SORCS2: variants seen among roughly 807,000 people sequenced by gnomAD.
SORCS2 encodes sortilin related VPS10 domain containing receptor 2, also known as VPS10 domain-containing receptor SorCS2.
In SORCS2, 100 loss-of-function variants were observed where a neutral mutation model predicts 141.6. The observed-to-expected ratio is 0.71, with a 90% CI of 0.60 to 0.83. The LOEUF is 0.83. Ranked by LOEUF, SORCS2 falls within the 40% of genes least tolerant of loss-of-function variation. SORCS2 has a pLI of 0.00. For synonymous variants in SORCS2, 789 were observed against 676.9 expected, an observed-to-expected ratio of 1.17 and a Z score of -2.57; for missense variants, 1,646 against 1,560.2, an observed-to-expected ratio of 1.05 and a Z score of -0.93.
At chr4:7,659,936 G>A (rs1722042740) in intron 5 of SORCS2, among the ~76,000 whole-genome samples, 1 of 152,248 alleles carries the variant, frequency 6.6e-6, no homozygotes, top group African/African-American at 2.4e-5. Context: ...AACCTGGGTA[G>A]TGGATCTTGC....
intron 3 of SORCS2, among the ~76,000 whole-genome samples, chr4:7,615,312 G>A (rs1718688663): frequency 6.6e-6 from 1 of 152,250 alleles, no homozygotes; most frequent in African/African-American, 2.4e-5. Context: ...CATTGGACAA[G>A]TTGTGTACTG....
chr4:7,433,524 A>T, intron 2 of SORCS2: 1 of 1,608,522 alleles, frequency 6.2e-7, no homozygotes, highest in African/African-American at 1.3e-5. Context: ...TGTCCTTGAG[A>T]CTCTCAATGA....
At chr4:7,443,045 AT>A (rs1235166908) in intron 2 of SORCS2, among the ~76,000 whole-genome samples, 2 of 151,986 alleles carry the variant, frequency 1.3e-5, no homozygotes, top group African/African-American at 4.8e-5. Flanking sequence ...CTGTGTCCAA[AT>A]TTCCTTCTTC....
At chr4:7,331,099 A>G (rs199877299) in intron 1 of SORCS2, among the ~76,000 whole-genome samples, 2 of 98,768 alleles carry the variant, frequency 2.0e-5, no homozygotes, top group Non-Finnish European at 2.2e-5. Flanking sequence ...AGGGAGGGCT[A>G]GGGGCGGCGA....
chr4:7,462,634 C>G (rs1560305476), intron 2 of SORCS2, among the ~76,000 whole-genome samples: 1 of 151,840 alleles, frequency 6.6e-6, no homozygotes, highest in Non-Finnish European at 1.5e-5. Context: ...GTCAGAGTGA[C>G]CTTTTCCAGG....
chr4:7,503,197 T>C (rs1732076192), intron 2 of SORCS2, among the ~76,000 whole-genome samples: 1 of 152,166 alleles, frequency 6.6e-6, no homozygotes, highest in African/African-American at 2.4e-5. Context: ...TTCTCCTTCA[T>C]AGGGCTTTCA....
rs1210599242 is a variant in SORCS2 at position 7,224,365 on chromosome 4, G to A, written c.480+31239G>A. Among the ~76,000 whole-genome samples, 3 of 152,220 alleles carry A rather than the reference G, an allele frequency of 2.0e-5. No homozygotes were observed. In the East Asian group the frequency reaches 5.8e-4, roughly 29 times the overall value. ...GTGGAGTGGCTTTTTAATAATTTGC[G>A]ATGAGTGTTAAGGGTGAGAGGAGGC... On this transcript the variant is annotated intron_variant, in intron 1 of 26. Coordinates refer to ENST00000507866, the MANE Select transcript of SORCS2 (RefSeq NM_020777.3).
At chr4:7,429,144 G>A (rs1048357224) in intron 2 of SORCS2, among the ~76,000 whole-genome samples, 8 of 152,194 alleles carry the variant, frequency 5.3e-5, no homozygotes, top group African/African-American at 1.7e-4. Context: ...ATGCGTGAGT[G>A]TGTGCATGGG....
intron 18 of SORCS2, 92 bp downstream of exon 18, chr4:7,718,275 C>T (rs2109049362): frequency 1.4e-6 from 2 of 1,440,670 alleles, no homozygotes; most frequent in Middle Eastern, 2.5e-4. Context: ...GTGTCTCCTC[C>T]ACCTAGAAGT....
intron 1 of SORCS2, among the ~76,000 whole-genome samples, chr4:7,376,312 C>T (rs1483919397): frequency 1.3e-5 from 2 of 151,520 alleles, no homozygotes; most frequent in African/African-American, 2.4e-5. Flanking sequence ...CACGGTGGCT[C>T]ATGCCTGTAA....
chr4:7,214,036 G>C (rs564628300), intron 1 of SORCS2, among the ~76,000 whole-genome samples: 1 of 152,138 alleles, frequency 6.6e-6, no homozygotes, highest in South Asian at 2.1e-4. Flanking sequence ...TCCAGGTCTG[G>C]GGTGTCTGTT....
At chr4:7,697,309 C>T (rs376441669) in intron 12 of SORCS2, 35 bp downstream of exon 12, 2 of 1,532,036 alleles carry the variant, frequency 1.3e-6, no homozygotes, top group Admixed American at 3.9e-5. Flanking sequence ...TACCCCCCAC[C>T]CCATCCAGCC....
intron 19 of SORCS2, 80 bp from the exon 20 acceptor site, chr4:7,725,074 G>T (rs771131111): frequency 4.0e-6 from 6 of 1,482,206 alleles, no homozygotes; most frequent in Non-Finnish European, 2.7e-6. Context: ...GAAGTTGCTG[G>T]TGACAGTGAT....
At chr4:7,594,436 G>A (rs1209194714) in intron 3 of SORCS2, among the ~76,000 whole-genome samples, 2 of 152,236 alleles carry the variant, frequency 1.3e-5, no homozygotes, top group Admixed American at 6.5e-5. Context: ...CCCGAGGAAG[G>A]GTAAGCTTCT....
chr4:7,360,708 G>A (rs571292931), intron 1 of SORCS2, among the ~76,000 whole-genome samples: 95 of 147,614 alleles, frequency 6.4e-4, no homozygotes, highest in African/African-American at 2.2e-3. Context: ...TCAGCCTCCC[G>A]AGTAGCTGGG....
At chr4:7,565,178 T>G (rs1428067202) in intron 3 of SORCS2, among the ~76,000 whole-genome samples, 1 of 152,174 alleles carries the variant, frequency 6.6e-6, no homozygotes, top group African/African-American at 2.4e-5. Flanking sequence ...CGATAAGACA[T>G]GATTTTAAAA....
Position 7,617,190 on chromosome 4 carries a change from T to C in SORCS2, c.649-21138T>C, listed in dbSNP as rs111546775. Among the ~76,000 whole-genome samples the C allele has an allele frequency of 5.1e-3, 774 of 152,282 alleles. 8 individuals carry two copies. Among genetic ancestry groups the C allele is most frequent in the African/African-American group, 0.018 (751 of 41,562 alleles). On this transcript the variant is annotated intron_variant, in intron 3 of 26. Transcript: ENST00000507866. ...TCTATCCAAGTGCCATTGATCTATA[T>C]ATTTATCTATCCATTGGTTATCTCA...
intron 2 of SORCS2, among the ~76,000 whole-genome samples, chr4:7,467,092 C>T (rs966717945): frequency 1.3e-5 from 2 of 152,100 alleles, no homozygotes; most frequent in South Asian, 2.1e-4. Flanking sequence ...TCTAAAACTC[C>T]CACCACGGTC....
At chr4:7,461,624 C>T (rs997622915) in intron 2 of SORCS2, among the ~76,000 whole-genome samples, 4 of 152,206 alleles carry the variant, frequency 2.6e-5, no homozygotes, top group African/African-American at 7.2e-5. Flanking sequence ...ATCCGAGGAG[C>T]GTAGCAGCAG....
Sources: allele counts gnomAD v4.1 joint callset (sites outside exome capture counted in the v4.1 genomes callset), GRCh38; gene constraint gnomAD v4.1.1; transcripts MANE v1.5; gene names NCBI Gene and HGNC (gene_info 2026-07-23, HGNC 2026-07-21).